The following PDZRN4 variants were observed in gnomAD, a reference collection of about 807,000 sequenced individuals.
The protein encoded by PDZRN4 is PDZ domain containing ring finger 4.
Under a neutral mutation model 99.0 loss-of-function variants are expected in PDZRN4, and 70 were observed. The ratio of observed to expected loss-of-function variants is 0.71; its 90% CI spans 0.58 to 0.86. The LOEUF is 0.86. PDZRN4 is among the 40% of genes least tolerant of loss of function. The probability of loss-of-function intolerance (pLI) is 0.00; values close to 1 mark genes in which losing one functional copy is unlikely to be tolerated. For synonymous variants in PDZRN4, 551 were observed against 501.6 expected (o/e 1.10, Z -1.32); for missense variants, 1,474 against 1,331.2 (o/e 1.11, Z -1.67).
chr12:41,193,728 C>T (rs1051499508), intron 2 of PDZRN4, among the ~76,000 whole-genome samples: 1 of 152,180 alleles, frequency 6.6e-6, no homozygotes, highest in African/African-American at 2.4e-5. Flanking sequence ...CCTTCTTTAA[C>T]CTTATCACCC....
At chr12:41,536,636 G>A (rs1463181925) in intron 5 of PDZRN4, among the ~76,000 whole-genome samples, 3 of 151,870 alleles carry the variant, frequency 2.0e-5, no homozygotes, top group Non-Finnish European at 2.9e-5. Context: ...TGCTACTCTG[G>A]TGGAGGATGT....
chr12:41,438,161 G>A, intron 3 of PDZRN4: 1 of 840,544 alleles, frequency 1.2e-6, no homozygotes, highest in Non-Finnish European at 1.8e-6. Context: ...TTTAATTTTG[G>A]TTTTGGGTGG....
intron 6 of PDZRN4, 109 bp from the exon 7 acceptor site, chr12:41,555,589 A>G: frequency 1.2e-6 from 1 of 811,996 alleles, no homozygotes; most frequent in East Asian, 2.6e-5. Flanking sequence ...TCACAAATCA[A>G]CAGAGAATTT....
intron 8 of PDZRN4, 124 bp from the exon 9 acceptor site, chr12:41,567,659 C>A (rs760752891): frequency 5.0e-5 from 19 of 378,732 alleles, no homozygotes; most frequent in Non-Finnish European, 8.4e-5. Flanking sequence ...CTGTGGGAGG[C>A]TGGTATTCTG....
intron 3 of PDZRN4, among the ~76,000 whole-genome samples, chr12:41,200,799 G>T (rs994410899): frequency 6.6e-6 from 1 of 151,978 alleles, no homozygotes; most frequent in African/African-American, 2.4e-5. Flanking sequence ...ACTCCTTTCT[G>T]TCTTTCTTAT....
At chr12:41,478,346 C>A (rs1304939626) in intron 3 of PDZRN4, among the ~76,000 whole-genome samples, 1 of 152,094 alleles carries the variant, frequency 6.6e-6, no homozygotes, top group Non-Finnish European at 1.5e-5. Context: ...CAGCTCCTGA[C>A]CTCAGGTGAT....
intron 3 of PDZRN4, among the ~76,000 whole-genome samples, chr12:41,369,647 CTCTG>C (rs1246430643): frequency 2.0e-5 from 3 of 151,884 alleles, no homozygotes; most frequent in Non-Finnish European, 4.4e-5. Context: ...ATTTCAGAAT[CTCTG>C]TCTTTACGCA....
intron 3 of PDZRN4, among the ~76,000 whole-genome samples, chr12:41,386,074 G>T (rs931244570): frequency 2.0e-5 from 3 of 152,088 alleles, no homozygotes; most frequent in African/African-American, 7.2e-5. Flanking sequence ...CTGCATGATT[G>T]CCTCAATAGG....
At position 41,207,646 on chromosome 12, in the gene PDZRN4, T is replaced by C. The variant is rs74077147; in HGVS notation, c.843+13458T>C. Among the ~76,000 whole-genome samples, 367 of 151,966 alleles carry C rather than the reference T, an allele frequency of 2.4e-3. 2 individuals are homozygous for C. Among genetic ancestry groups the C allele is most frequent in the African/African-American group, 8.7e-3 (360 of 41,522 alleles). ...TCAGAATGGTAAGGATGATGATGGC[T>C]ATAAAATAGCTAACATTTATAAACT... On this transcript the variant is annotated intron_variant, in intron 3 of 9. Coordinates refer to ENST00000402685, the MANE Select transcript of PDZRN4 (RefSeq NM_001164595.2).
chr12:41,559,711 T>C (rs1055972953), intron 7 of PDZRN4, among the ~76,000 whole-genome samples: 3 of 152,092 alleles, frequency 2.0e-5, no homozygotes, highest in South Asian at 2.1e-4. Context: ...CTCGTTGATA[T>C]GGTTTAACTA....
chr12:41,318,268 A>G (rs1357652433), intron 3 of PDZRN4, among the ~76,000 whole-genome samples: 1 of 152,182 alleles, frequency 6.6e-6, no homozygotes, highest in African/African-American at 2.4e-5. Context: ...ATTTTATTTA[A>G]GTACCTATAT....
At chr12:41,395,869 T>G (rs1041572969) in intron 3 of PDZRN4, among the ~76,000 whole-genome samples, 12 of 152,088 alleles carry the variant, frequency 7.9e-5, no homozygotes, top group Non-Finnish European at 1.3e-4. Context: ...AATTAAAAAT[T>G]TTATAGGAAT....
At chr12:41,307,298 G>GCT (rs141939539) in intron 3 of PDZRN4, among the ~76,000 whole-genome samples, 4,099 of 152,196 alleles carry the variant, frequency 0.027, 270 homozygotes, top group East Asian at 0.23. Context: ...TCTGGTGAGG[G>GCT]CTCTCTTCCT....
Position 41,568,513 on chromosome 12 carries a change from A to G in PDZRN4, c.1584+614A>G, listed in dbSNP as rs542626044. ...ACATCATTTTGCCTTGAAGTCACAT[A>G]TTCATTCAACTAAACACTTTGAACT... is the stretch of plus-strand genomic sequence containing the variant. On this transcript the variant is annotated intron_variant, in intron 9 of 9. Transcript: ENST00000402685. 1.3e-3 allele frequency among the ~76,000 whole-genome samples: 201 copies of G among 152,304 alleles called. 1 individual carries two copies. The highest frequency in any genetic ancestry group is 4.7e-3 in the African/African-American group (194 of 41,562).
At position 41,188,356 on chromosome 12, in the gene PDZRN4, C is replaced by G. The variant is rs1950706874; in HGVS notation, c.-100C>G. Reference sequence around the variant, plus strand: ...CACCCGCCACCTCCCTCCACTGCCGCCGCCGCGAGACGGCTGCCCCGGGGG... The same window carrying G: ...CACCCGCCACCTCCCTCCACTGCCGGCGCCGCGAGACGGCTGCCCCGGGGG... On this transcript the variant is annotated 5_prime_UTR_variant, in exon 1 of 10. Transcript: ENST00000402685. 1.7e-6 allele frequency: 2 copies of G among 1,203,688 alleles called. No homozygotes were observed. The highest frequency in any genetic ancestry group is 1.6e-5 in the African/African-American group (1 of 63,394). 74.6% of individuals were successfully genotyped at this position (1,203,688 alleles called of 1,614,324 possible).
intron 3 of PDZRN4, among the ~76,000 whole-genome samples, chr12:41,365,095 C>CT (rs5797730): frequency 0.066 from 9,967 of 152,090 alleles, 818 homozygotes; most frequent in East Asian, 0.18. Flanking sequence ...TACATATTAT[C>CT]TAAGTTTCAG....
intron 3 of PDZRN4, among the ~76,000 whole-genome samples, chr12:41,305,557 AAAGGT>A (rs1951563655): frequency 6.6e-6 from 1 of 152,088 alleles, no homozygotes; most frequent in East Asian, 1.9e-4. Context: ...CCTATATGGC[AAAGGT>A]AGTGAGGGAG....
chr12:41,541,973 A>G (rs1938865343), intron 5 of PDZRN4, among the ~76,000 whole-genome samples: 1 of 152,214 alleles, frequency 6.6e-6, no homozygotes, highest in South Asian at 2.1e-4. Flanking sequence ...TATCCCAAAC[A>G]GTAGATGGTA....
intron 3 of PDZRN4, among the ~76,000 whole-genome samples, chr12:41,444,552 C>T (rs1285869594): frequency 6.6e-6 from 1 of 152,090 alleles, no homozygotes; most frequent in Non-Finnish European, 1.5e-5. Flanking sequence ...TGGTGATGAT[C>T]ACAGAGCATT....
Sources: gnomAD v4.1 joint callset for allele counts (sites outside exome capture counted in the v4.1 genomes callset) on GRCh38, gnomAD v4.1.1 for gene constraint, MANE v1.5 for transcripts, NCBI Gene and HGNC (gene_info 2026-07-23, HGNC 2026-07-21) for gene names.